The following TTI1 variants were observed in gnomAD, a reference collection of about 807,000 sequenced individuals.
TTI1 encodes TELO2 interacting protein 1.
TTI1 carries 52 observed loss-of-function variants against 85.4 expected under a neutral mutation model. That is an observed-to-expected ratio of 0.61 (90% CI 0.49 to 0.77). TTI1 has a LOEUF of 0.77. TTI1 is among the 30% of genes least tolerant of loss of function. The probability of loss-of-function intolerance (pLI) is 0.00; values close to 1 mark genes in which losing one functional copy is unlikely to be tolerated. For synonymous variants in TTI1, 512 were observed against 503.9 expected, an observed-to-expected ratio of 1.02 and a Z score of -0.22; for missense variants, 1,173 against 1,296.0, an observed-to-expected ratio of 0.91 and a Z score of 1.46.
chr20:38,011,450 T>C (rs904432429), intron 2 of TTI1, 65 bp downstream of exon 2: 1 of 1,547,892 alleles, frequency 6.5e-7, no homozygotes, highest in Admixed American at 1.9e-5. Context: ...AAAACGAGGC[T>C]AAGCAAACTA....
At chr20:38,027,139 A>G (rs2073846622) in intron 1 of TTI1, among the ~76,000 whole-genome samples, 1 of 152,234 alleles carries the variant, frequency 6.6e-6, no homozygotes, top group South Asian at 2.1e-4. Flanking sequence ...AACAAAATAT[A>G]GTCATCTCTC....
At chr20:38,018,312 A>G (rs1217267249) in intron 1 of TTI1, among the ~76,000 whole-genome samples, 1 of 152,240 alleles carries the variant, frequency 6.6e-6, no homozygotes, top group Non-Finnish European at 1.5e-5. Flanking sequence ...TGGATACTTT[A>G]GAACTGAGAA....
chr20:38,031,198 C>T (rs1369713323), intron 1 of TTI1, among the ~76,000 whole-genome samples: 2 of 152,238 alleles, frequency 1.3e-5, no homozygotes, highest in African/African-American at 4.8e-5. Flanking sequence ...CTAACAGCCA[C>T]AATGCTCCTT....
chr20:38,012,956 C>T lies in TTI1; in HGVS notation c.861G>A (p.Leu287=). The part of the protein sequence containing the change: ...ADWVKKTGDK[L]TILIKKIIEC... ...CAATTATCTTTTTAATAAGGATAGTCAACTTGTCGCCAGTCTTTTTTACCC... is the reference window on the plus strand; with the variant it reads ...CAATTATCTTTTTAATAAGGATAGTTAACTTGTCGCCAGTCTTTTTTACCC... The change falls in exon 2 of 8, where the codon TTG becomes TTA. Residue 287 remains leucine, a synonymous_variant. Coordinates refer to ENST00000373447, the MANE Select transcript of TTI1 (RefSeq NM_001303457.2). 1 of 1,614,112 alleles carries T rather than the reference C, an allele frequency of 6.2e-7. No homozygotes were observed. Among genetic ancestry groups the T allele is most frequent in the East Asian group, 2.2e-5 (1 of 44,892 alleles).
At chr20:38,019,221 G>A in intron 1 of TTI1, 1 of 151,212 alleles carries the variant, frequency 6.6e-6, no homozygotes, top group Admixed American at 6.6e-5. Flanking sequence ...TTGCTATCAG[G>A]GCAACACTAA....
intron 7 of TTI1, among the ~76,000 whole-genome samples, chr20:37,991,614 G>C (rs1429472118): frequency 3.3e-5 from 5 of 152,206 alleles, no homozygotes; most frequent in Admixed American, 3.3e-4. Flanking sequence ...ATCCTTTTGA[G>C]GTGAAATCCC....
chr20:38,032,989 T>C (rs1326850532), intron 1 of TTI1, among the ~76,000 whole-genome samples: 2 of 152,124 alleles, frequency 1.3e-5, no homozygotes, highest in African/African-American at 4.8e-5. Flanking sequence ...CACGTAATAA[T>C]ACCCTGAGTG....
intron 3 of TTI1, 119 bp downstream of exon 3, chr20:38,006,078 C>T: frequency 8.9e-7 from 1 of 1,123,802 alleles, no homozygotes; most frequent in Non-Finnish European, 1.3e-6. Flanking sequence ...GCTATGTTAG[C>T]CTGGTAAGGT....
chr20:38,017,035 T>C (rs1474374607), intron 1 of TTI1, among the ~76,000 whole-genome samples: 6 of 152,234 alleles, frequency 3.9e-5, no homozygotes, highest in Non-Finnish European at 5.9e-5. Context: ...CAGGTGGTGC[T>C]AGTTCACATT....
At chr20:38,018,045 T>G (rs532787123) in intron 1 of TTI1, among the ~76,000 whole-genome samples, 1 of 152,358 alleles carries the variant, frequency 6.6e-6, no homozygotes, top group Admixed American at 6.5e-5. Flanking sequence ...GCATCCACTA[T>G]GATTCTTTTA....
Position 37,999,208 on chromosome 20 carries a change from C to T in TTI1, c.2773G>A (p.Ala925Thr), listed in dbSNP as rs748900358. 2.0e-6 allele frequency: 3 copies of T among 1,483,906 alleles called. No homozygotes were observed. Among genetic ancestry groups the T allele is most frequent in the Non-Finnish European group, 2.7e-6 (3 of 1,113,774 alleles). 91.9% of individuals were successfully genotyped at this position (1,483,906 alleles called of 1,614,324 possible). The change falls in exon 5 of 8, where the codon GCA becomes ACA. Residue 925 changes from alanine (A) to threonine (T), a missense_variant. Physicochemically the swap from Ala to Thr is moderately conservative, Grantham distance 58. Coordinates refer to ENST00000373447, the MANE Select transcript of TTI1 (RefSeq NM_001303457.2). ...AGTACCTTGAAGGCTCTAAGCACTG[C>T]CAGGGGGGCGTCCCGTGTGAGTCGG... ...VHRLTRDAPLAVLRAFKVLRT... is the reference protein window; with the variant it reads ...VHRLTRDAPLTVLRAFKVLRT...
Position 38,013,751 on chromosome 20 carries a change from T to C in TTI1, c.66A>G (p.Thr22=), listed in dbSNP as rs761914744. 10 of 1,614,170 alleles carry C rather than the reference T, an allele frequency of 6.2e-6. No individual in the cohort carries two copies. The highest frequency in any genetic ancestry group is 1.3e-5 in the African/African-American group (1 of 75,058). ...CCACATTCTCCACTGTCTGGGTCTT[T>C]GTGAGCTGAACACAGACTGGACGTA... ...GVLRPVCVQL[T]KTQTVENVEH... is the part of the protein sequence containing the mutation. Residue 22 remains threonine, a synonymous_variant, in exon 2 of 8, where the codon ACA becomes ACG. Transcript: ENST00000373447.
Position 37,998,601 on chromosome 20 carries a change from T to C in TTI1, c.2793+587A>G, listed in dbSNP as rs145889768. 9.3e-4 allele frequency among the ~76,000 whole-genome samples: 141 copies of C among 152,328 alleles called. 3 individuals carry two copies. In the East Asian group the frequency reaches 0.024, roughly 26 times the overall value. ...CAGGGAGAATAATACCTTACATATA[T>C]ATAGGACTGTTAGCTTTTCAAAGCA... On this transcript the variant is annotated intron_variant, in intron 5 of 7. Coordinates refer to ENST00000373447, the MANE Select transcript of TTI1 (RefSeq NM_001303457.2).
intron 1 of TTI1, among the ~76,000 whole-genome samples, chr20:38,029,291 T>G (rs547596769): frequency 5.9e-5 from 9 of 152,038 alleles, no homozygotes; most frequent in African/African-American, 2.2e-4. Flanking sequence ...CACCAAAATC[T>G]GTGGATACAG....
chr20:38,023,087 T>C (rs2073791159), intron 1 of TTI1, among the ~76,000 whole-genome samples: 1 of 152,202 alleles, frequency 6.6e-6, no homozygotes, highest in Admixed American at 6.5e-5. Context: ...GAAAGCATTT[T>C]TCTTTTGTTG....
At chr20:38,032,532 C>A (rs6022498) in intron 1 of TTI1, among the ~76,000 whole-genome samples, 41,486 of 152,050 alleles carry the variant, frequency 0.27, 7,770 homozygotes, top group African/African-American at 0.54. Context: ...TGCTTTGATA[C>A]CTGGGATTTA....
At chr20:38,004,613 C>T (rs1241727190) in intron 3 of TTI1, among the ~76,000 whole-genome samples, 1 of 152,182 alleles carries the variant, frequency 6.6e-6, no homozygotes, top group Non-Finnish European at 1.5e-5. Flanking sequence ...GAATGATAAG[C>T]ATGATAGGCC....
intron 1 of TTI1, among the ~76,000 whole-genome samples, chr20:38,026,459 G>C (rs2073837614): frequency 6.6e-6 from 1 of 152,094 alleles, no homozygotes; most frequent in South Asian, 2.1e-4. Context: ...TGCCCAGAGG[G>C]GAGAAAACAA....
chr20:38,015,110 A>G (rs1392574954), intron 1 of TTI1, among the ~76,000 whole-genome samples: 3 of 152,030 alleles, frequency 2.0e-5, no homozygotes, highest in Non-Finnish European at 4.4e-5. Context: ...AATTCCATGA[A>G]CACTCCCGAA....
Sources: gnomAD v4.1 joint callset for allele counts (sites outside exome capture counted in the v4.1 genomes callset) on GRCh38, gnomAD v4.1.1 for gene constraint, MANE v1.5 for transcripts, NCBI Gene and HGNC (gene_info 2026-07-23, HGNC 2026-07-21) for gene names.